TTLL7: variants seen among roughly 807,000 people sequenced by gnomAD.
TTLL7 encodes tubulin polyglutamylase TTLL7.
In TTLL7, 53 loss-of-function variants were observed where a neutral mutation model predicts 120.2. The observed-to-expected ratio is 0.44, with a 90% CI of 0.35 to 0.55. TTLL7 has a LOEUF of 0.55. Among genes scored for constraint, TTLL7 ranks in the 20% least tolerant of loss-of-function variants. The pLI is 0.00. For missense variants in TTLL7, 803 were observed against 1,054.7 expected (o/e 0.76, Z 3.31); for synonymous variants, 353 against 351.7 (o/e 1.00, Z -0.04).
At chr1:83,961,501 C>T (rs912546172) in intron 1 of TTLL7, among the ~76,000 whole-genome samples, 5 of 151,976 alleles carry the variant, frequency 3.3e-5, no homozygotes, top group Admixed American at 1.3e-4. Context: ...AACTGATAAA[C>T]GGGTAATGAT....
chr1:83,950,630 A>G (rs1312710208), intron 3 of TTLL7, among the ~76,000 whole-genome samples: 2 of 152,206 alleles, frequency 1.3e-5, no homozygotes, highest in Non-Finnish European at 2.9e-5. Flanking sequence ...TACAATTAAC[A>G]TATTGGCATT....
intron 6 of TTLL7, among the ~76,000 whole-genome samples, chr1:83,944,803 T>C (rs535802830): frequency 3.3e-5 from 5 of 152,322 alleles, no homozygotes; most frequent in African/African-American, 1.2e-4. Context: ...CATAAAACAA[T>C]AGTTATAAAT....
intron 1 of TTLL7, among the ~76,000 whole-genome samples, chr1:83,992,504 C>A (rs931526552): frequency 6.6e-6 from 1 of 152,016 alleles, no homozygotes; most frequent in African/African-American, 2.4e-5. Flanking sequence ...CATATGACAG[C>A]AAATACTAGC....
chr1:83,994,253 C>T (rs1454299584), intron 1 of TTLL7, among the ~76,000 whole-genome samples: 1 of 152,220 alleles, frequency 6.6e-6, no homozygotes, highest in African/African-American at 2.4e-5. Context: ...ACCTGCCTCT[C>T]TGCTCCCTAG....
At position 83,892,657 on chromosome 1, in the gene TTLL7, A is replaced by AACATATAT. The variant is rs1392455695; in HGVS notation, c.2209-2177_2209-2176insATATATGT. Among the ~76,000 whole-genome samples, 6 of 117,500 alleles carry AACATATAT rather than the reference A, an allele frequency of 5.1e-5. No homozygotes were observed. The East Asian group carries it at 6.8e-4, about 13-fold the overall frequency. The allele number at this position is 117,500 out of a possible 152,430, so 77.1% of individuals were successfully genotyped here. ...GAATGAACATATATATGAACATATG[A>AACATATAT]ATGAACATATATATGAACATATGAA... is the stretch of plus-strand genomic sequence containing the variant. On this transcript the variant is annotated intron_variant, in intron 18 of 20. Transcript: ENST00000260505.
chr1:83,911,055 TCTC>T (rs1337118737), intron 15 of TTLL7, 107 bp downstream of exon 15: 2 of 827,686 alleles, frequency 2.4e-6, no homozygotes. Flanking sequence ...GGAATCCAGG[TCTC>T]CTCACACACA....
intron 17 of TTLL7, among the ~76,000 whole-genome samples, chr1:83,905,981 T>C (rs1657166922): frequency 6.6e-6 from 1 of 152,072 alleles, no homozygotes; most frequent in Non-Finnish European, 1.5e-5. Flanking sequence ...ATATTAGTTC[T>C]TTCTAAATCT....
chr1:83,935,065 C>A (rs1037440595), intron 8 of TTLL7, among the ~76,000 whole-genome samples: 8 of 152,036 alleles, frequency 5.3e-5, no homozygotes, highest in African/African-American at 1.9e-4. Context: ...TACCCAGAAC[C>A]ACAATCCAGT....
chr1:83,967,135 A>G (rs1650533151), intron 1 of TTLL7, among the ~76,000 whole-genome samples: 1 of 152,158 alleles, frequency 6.6e-6, no homozygotes, highest in African/African-American at 2.4e-5. Flanking sequence ...TACTACTAAG[A>G]AAGCACTGTT....
At chr1:83,910,628 A>C (rs1657596705) in intron 15 of TTLL7, among the ~76,000 whole-genome samples, 1 of 152,148 alleles carries the variant, frequency 6.6e-6, no homozygotes, top group South Asian at 2.1e-4. Flanking sequence ...TGCTCTCCTA[A>C]GTAGTTCCTA....
Position 83,925,001 on chromosome 1 carries a change from C to T in TTLL7, c.1143-3607G>A, listed in dbSNP as rs61766871. ...TAATTCTAAGGAGTTTAAACTTTAT[C>T]AGACAATGTGGAAACAATCTGATCA... is the stretch of plus-strand genomic sequence containing the variant. On this transcript the variant is annotated intron_variant, in intron 10 of 20. Coordinates refer to ENST00000260505, the MANE Select transcript of TTLL7 (RefSeq NM_024686.6). Among the ~76,000 whole-genome samples the T allele has an allele frequency of 3.7e-3, 563 of 152,256 alleles. 6 individuals carry two copies. Among genetic ancestry groups the T allele is most frequent in the Non-Finnish European group, 6.1e-3 (418 of 68,012 alleles).
intron 1 of TTLL7, among the ~76,000 whole-genome samples, chr1:83,994,908 T>G (rs1409148733): frequency 6.6e-6 from 1 of 152,112 alleles, no homozygotes; most frequent in Admixed American, 6.6e-5. Flanking sequence ...TTGAAGGAGA[T>G]AGATATGTGT....
intron 9 of TTLL7, 120 bp from the exon 10 acceptor site, chr1:83,929,350 T>A: frequency 1.6e-6 from 1 of 635,824 alleles, no homozygotes; most frequent in South Asian, 2.2e-5. Flanking sequence ...AAGCTTTACA[T>A]GGCAGATGGC....
In TTLL7 at chr1:83,874,286, T is replaced by C. The variant is rs139934732; in HGVS notation, c.2544-4204A>G. On this transcript the variant is annotated intron_variant, in intron 20 of 20. Transcript: ENST00000260505. ...AGCATGTTTTCAAAGGTCATCCATA[T>C]TGTAGCCTGTATCAGAATTTCAGTC... Among the ~76,000 whole-genome samples, 1,345 of 152,194 alleles carry C rather than the reference T, an allele frequency of 8.8e-3. 16 individuals are homozygous for C. Among genetic ancestry groups the C allele is most frequent in the Non-Finnish European group, 0.013 (892 of 67,938 alleles).
chr1:83,937,789 T>G, intron 8 of TTLL7, 63 bp downstream of exon 8: 1 of 1,584,726 alleles, frequency 6.3e-7, no homozygotes, highest in Non-Finnish European at 8.6e-7. Context: ...TTTCATGGCC[T>G]GACAATGCTT....
intron 15 of TTLL7, among the ~76,000 whole-genome samples, chr1:83,909,490 A>G (rs1657502273): frequency 6.6e-6 from 1 of 151,994 alleles, no homozygotes; most frequent in Non-Finnish European, 1.5e-5. Context: ...CTCTGAAGAC[A>G]AAACTCAAGT....
intron 19 of TTLL7, among the ~76,000 whole-genome samples, 190 bp from the exon 20 acceptor site, chr1:83,883,326 A>G (rs1654685714): frequency 6.6e-6 from 1 of 152,088 alleles, no homozygotes; most frequent in Non-Finnish European, 1.5e-5. Context: ...AAAGAAATAC[A>G]ACATCAAATA....
chr1:83,900,200 G>C (rs2100750017), intron 18 of TTLL7: 1 of 436,996 alleles, frequency 2.3e-6, no homozygotes, highest in East Asian at 7.4e-5. Context: ...AACTAGTAAG[G>C]AAAGAAGACT....
intron 20 of TTLL7, among the ~76,000 whole-genome samples, chr1:83,874,237 C>A (rs1653706918): frequency 6.6e-6 from 1 of 151,940 alleles, no homozygotes; most frequent in Non-Finnish European, 1.5e-5. Context: ...AAGATTTGTC[C>A]ATTTGTGTTT....
Sources: gnomAD v4.1 joint callset for allele counts (sites outside exome capture counted in the v4.1 genomes callset) on GRCh38, gnomAD v4.1.1 for gene constraint, MANE v1.5 for transcripts, NCBI Gene and HGNC (gene_info 2026-07-23, HGNC 2026-07-21) for gene names.